Variants in PPP1R12A observed in about 807,000 individuals in gnomAD.
PPP1R12A encodes the protein protein phosphatase 1 regulatory subunit 12A, also known as myosin binding subunit.
A neutral mutation model predicts 139.6 loss-of-function variants in PPP1R12A; 19 were observed. The observed-to-expected ratio is 0.14, with a 90% CI of 0.09 to 0.20. PPP1R12A has a LOEUF of 0.20. Ranked by LOEUF, PPP1R12A falls within the 10% of genes least tolerant of loss-of-function variation. The probability of loss-of-function intolerance (pLI) is 1.00; values close to 1 mark genes in which losing one functional copy is unlikely to be tolerated. For synonymous variants in PPP1R12A, 427 were observed against 420.6 expected (o/e 1.02, Z -0.19); for missense variants, 925 against 1,211.5 (o/e 0.76, Z 3.51).
intron 2 of PPP1R12A, among the ~76,000 whole-genome samples, chr12:79,846,290 T>G (rs948393883): frequency 6.6e-6 from 1 of 152,202 alleles, no homozygotes; most frequent in Non-Finnish European, 1.5e-5. Flanking sequence ...TAAGAAAGTA[T>G]CTATAGGCTT....
At chr12:79,919,115 A>T (rs1887232368) in intron 1 of PPP1R12A, among the ~76,000 whole-genome samples, 1 of 152,026 alleles carries the variant, frequency 6.6e-6, no homozygotes, top group South Asian at 2.1e-4. Context: ...TCTTAAAAAA[A>T]AAAATCCTTC....
Position 79,811,956 on chromosome 12 carries a change from G to A in PPP1R12A, c.1240-1946C>T, listed in dbSNP as rs74931145. On this transcript the variant is annotated intron_variant, in intron 9 of 24. Coordinates refer to ENST00000450142, the MANE Select transcript of PPP1R12A (RefSeq NM_002480.3). Reference sequence around the variant, plus strand: ...GATAACATTTATTGTTATAAATGAAGCTAACATTTATTGTTATAAATGAAG... The same window carrying A: ...GATAACATTTATTGTTATAAATGAAACTAACATTTATTGTTATAAATGAAG... Among the ~76,000 whole-genome samples the A allele has an allele frequency of 8.0e-4, 122 of 152,196 alleles. 1 individual carries two copies. In the East Asian group the frequency reaches 0.022, roughly 27 times the overall value.
At chr12:79,802,317 T>C (rs1196917552) in intron 14 of PPP1R12A, among the ~76,000 whole-genome samples, 1 of 152,198 alleles carries the variant, frequency 6.6e-6, no homozygotes, top group Non-Finnish European at 1.5e-5. Context: ...AGAAAAGTGC[T>C]CCTAAGAACA....
chr12:79,872,080 G>A (rs1293870484), intron 2 of PPP1R12A, among the ~76,000 whole-genome samples: 1 of 151,900 alleles, frequency 6.6e-6, no homozygotes, highest in African/African-American at 2.4e-5. Context: ...GCAAAATGTA[G>A]ACAAAAAACT....
chr12:79,930,081 C>T (rs1482286358), intron 1 of PPP1R12A, among the ~76,000 whole-genome samples: 1 of 152,124 alleles, frequency 6.6e-6, no homozygotes, highest in East Asian at 1.9e-4. Context: ...AACACAAACA[C>T]TATTCAGTAA....
chr12:79,821,937 T>C (rs1018717423), intron 6 of PPP1R12A, among the ~76,000 whole-genome samples, 179 bp downstream of exon 6: 1 of 152,152 alleles, frequency 6.6e-6, no homozygotes, highest in Non-Finnish European at 1.5e-5. Flanking sequence ...GAAATGGGGA[T>C]AAGCAACACA....
intron 8 of PPP1R12A, among the ~76,000 whole-genome samples, chr12:79,819,879 A>G (rs1376862594): frequency 6.6e-6 from 1 of 152,134 alleles, no homozygotes; most frequent in Non-Finnish European, 1.5e-5. Flanking sequence ...GAATAAGGTA[A>G]ATGTTCATCA....
At chr12:79,859,492 T>C (rs1214964332) in intron 2 of PPP1R12A, among the ~76,000 whole-genome samples, 2 of 151,988 alleles carry the variant, frequency 1.3e-5, no homozygotes, top group African/African-American at 4.8e-5. Context: ...ATAAAGGCTA[T>C]AATGCAGAAG....
At chr12:79,788,929 A>G (rs555698602) in intron 20 of PPP1R12A, 146 bp from the exon 21 acceptor site, 24 of 699,658 alleles carry the variant, frequency 3.4e-5, no homozygotes, top group South Asian at 1.5e-4. Flanking sequence ...GTGATATATA[A>G]TAAGTGGGAA....
At chr12:79,893,047 G>A (rs1303243113) in intron 1 of PPP1R12A, among the ~76,000 whole-genome samples, 2 of 150,714 alleles carry the variant, frequency 1.3e-5, no homozygotes, top group Admixed American at 1.3e-4. Context: ...GAGTTGCCGT[G>A]AGCCAAGATT....
chr12:79,795,140 C>A (rs1872368490), intron 18 of PPP1R12A, among the ~76,000 whole-genome samples: 1 of 151,950 alleles, frequency 6.6e-6, no homozygotes, highest in African/African-American at 2.4e-5. Context: ...AAAATGGAAA[C>A]AAAATCAATG....
chr12:79,779,028 A>G, intron 23 of PPP1R12A: 1 of 251,648 alleles, frequency 4.0e-6, no homozygotes, highest in Non-Finnish European at 8.1e-6. Flanking sequence ...AGAGGAATGT[A>G]AGAGAAGCTC....
At chr12:79,892,774 T>C (rs1884773713) in intron 1 of PPP1R12A, among the ~76,000 whole-genome samples, 1 of 152,160 alleles carries the variant, frequency 6.6e-6, no homozygotes, top group African/African-American at 2.4e-5. Context: ...ATTTCCAAAC[T>C]GTTTCCATGA....
At chr12:79,862,653 G>C (rs540982199) in intron 2 of PPP1R12A, among the ~76,000 whole-genome samples, 1 of 152,268 alleles carries the variant, frequency 6.6e-6, no homozygotes, top group Middle Eastern at 3.4e-3. Context: ...ACCACAGTAC[G>C]AGAACTTCAT....
At chr12:79,798,302 T>C (rs1872711921) in intron 15 of PPP1R12A, among the ~76,000 whole-genome samples, 192 bp downstream of exon 15, 1 of 152,184 alleles carries the variant, frequency 6.6e-6, no homozygotes, top group Admixed American at 6.5e-5. Context: ...TTTAAGGATT[T>C]ATTCACACTA....
rs766570024 is a variant in PPP1R12A at position 79,845,319 on chromosome 12, T to C, written c.470A>G (p.Asn157Ser). ...EEEAMEELLQ[N>S]EVNRQGVDIE... ...TATTTTACCTTGCCGATTAACTTCA[T>C]TTTGAAGTAGCTCTTCCATTGCCTC... The change falls in exon 3 of 25, where the codon AAT becomes AGT. Residue 157 changes from asparagine to serine, a missense_variant. Physicochemically the swap from Asn to Ser is conservative, Grantham distance 46 (BLOSUM62 1). Transcript: ENST00000450142. The C allele has an allele frequency of 9.3e-6, 15 of 1,610,488 alleles. No individual in the cohort carries two copies. The South Asian group carries it at 1.2e-4, about 13-fold the overall frequency.
At chr12:79,882,223 T>G (rs566415480) in intron 1 of PPP1R12A, among the ~76,000 whole-genome samples, 1 of 152,348 alleles carries the variant, frequency 6.6e-6, no homozygotes, top group East Asian at 1.9e-4. Flanking sequence ...GTGATTCCTC[T>G]GATGGATCTG....
At chr12:79,864,333 T>G (rs1167960236) in intron 2 of PPP1R12A, among the ~76,000 whole-genome samples, 1 of 152,108 alleles carries the variant, frequency 6.6e-6, no homozygotes, top group Non-Finnish European at 1.5e-5. Context: ...AGGACACATT[T>G]AAAGCAGTGT....
chr12:79,871,455 A>C (rs1199022146), intron 2 of PPP1R12A, among the ~76,000 whole-genome samples: 2 of 151,504 alleles, frequency 1.3e-5, no homozygotes, highest in Non-Finnish European at 2.9e-5. Context: ...AATGGTCAAA[A>C]GTTAATATGT....
Sources: allele counts gnomAD v4.1 joint callset (sites outside exome capture counted in the v4.1 genomes callset), GRCh38; gene constraint gnomAD v4.1.1; transcripts MANE v1.5; gene names NCBI Gene and HGNC (gene_info 2026-07-23, HGNC 2026-07-21).